The following PI4KA variants were observed in gnomAD, a reference collection of about 807,000 sequenced individuals.
PI4KA encodes the protein PI4-kinase alpha.
PI4KA carries 122 observed loss-of-function variants against 271.4 expected under a neutral mutation model. That is an observed-to-expected ratio of 0.45 (90% CI 0.39 to 0.52). The LOEUF (loss-of-function observed/expected upper bound fraction) is 0.52, where lower values mean the gene tolerates loss of function less well. Among genes scored for constraint, PI4KA ranks in the 20% least tolerant of loss-of-function variants. The pLI, the probability that PI4KA is intolerant of heterozygous loss-of-function variation, is 0.00. For synonymous variants in PI4KA, 1,041 were observed against 1,078.8 expected (o/e 0.96, Z 0.69); for missense variants, 1,969 against 2,769.1 (o/e 0.71, Z 6.48).
intron 19 of PI4KA, among the ~76,000 whole-genome samples, chr22:20,767,013 C>G (rs1932596537): frequency 6.6e-6 from 1 of 152,186 alleles, no homozygotes; most frequent in South Asian, 2.1e-4. Flanking sequence ...CACCCAAAAT[C>G]CCATCCCTGA....
At chr22:20,839,831 C>CA (rs362258) in intron 1 of PI4KA, among the ~76,000 whole-genome samples, 21 of 148,890 alleles carry the variant, frequency 1.4e-4, no homozygotes, top group Non-Finnish European at 2.4e-4. Context: ...GACTCCGTCT[C>CA]AAAAAAAAAA....
At chr22:20,824,501 C>G (rs1601576418) in intron 3 of PI4KA, 87 bp from the exon 4 acceptor site, 2 of 884,074 alleles carry the variant, frequency 2.3e-6, no homozygotes, top group East Asian at 5.2e-5. Flanking sequence ...TGTTCCCTCT[C>G]ACCATGACCT....
At chr22:20,844,986 G>C (rs373725796) in intron 1 of PI4KA, among the ~76,000 whole-genome samples, 3 of 152,188 alleles carry the variant, frequency 2.0e-5, no homozygotes, top group African/African-American at 7.2e-5. Context: ...GGGGGAGTGG[G>C]TCATTATAAA....
chr22:20,768,447 G>A (rs1024830451), intron 19 of PI4KA, among the ~76,000 whole-genome samples: 2 of 151,978 alleles, frequency 1.3e-5, no homozygotes, highest in Admixed American at 6.6e-5. Context: ...AATCCAAAAC[G>A]TATAAATAAT....
At chr22:20,726,644 G>A (rs990262024) in intron 41 of PI4KA, 103 bp from the exon 42 acceptor site, 4 of 1,013,962 alleles carry the variant, frequency 3.9e-6, no homozygotes, top group Non-Finnish European at 5.7e-6. Flanking sequence ...CAGCAGGGCT[G>A]AGAACTGGGG....
At chr22:20,832,779 C>T (rs2147754422) in intron 3 of PI4KA, among the ~76,000 whole-genome samples, 1 of 152,206 alleles carries the variant, frequency 6.6e-6, no homozygotes, top group South Asian at 2.1e-4. Flanking sequence ...ATGGCCATTT[C>T]ATCTTACATC....
chr22:20,799,324 G>A, intron 15 of PI4KA, 48 bp from the exon 16 acceptor site: 1 of 1,464,704 alleles, frequency 6.8e-7, no homozygotes, highest in Non-Finnish European at 9.1e-7. Flanking sequence ...CCTCCAGCAT[G>A]CAGTAGTGAA....
At chr22:20,848,036 G>A (rs377252028) in intron 1 of PI4KA, among the ~76,000 whole-genome samples, 2 of 151,904 alleles carry the variant, frequency 1.3e-5, no homozygotes, top group East Asian at 1.9e-4. Context: ...TCAAGAGTTC[G>A]AGACCAGCCT....
chr22:20,834,047 C>G (rs892576480), intron 3 of PI4KA, among the ~76,000 whole-genome samples: 2 of 152,094 alleles, frequency 1.3e-5, no homozygotes, highest in African/African-American at 4.8e-5. Flanking sequence ...AGCCACCATA[C>G]CAGCCAATTT....
Position 20,821,368 on chromosome 22 carries a change from G to GCA in PI4KA, c.457-758_457-757insTG, listed in dbSNP as rs1460206550. Reference sequence around the variant, plus strand: ...TGAGTAGCTAAGATTACAGGTGCATGCCACCATGCCTGGCTAATTTTTTGT... The same window carrying GCA: ...TGAGTAGCTAAGATTACAGGTGCATGCACCACCATGCCTGGCTAATTTTTTGT... On this transcript the variant is annotated intron_variant, in intron 4 of 54. Transcript: ENST00000255882. Among the ~76,000 whole-genome samples the GCA allele has an allele frequency of 9.9e-5, 15 of 151,632 alleles. No homozygotes were observed. The East Asian group carries it at 1.2e-3, about 12-fold the overall frequency.
At chr22:20,757,994 G>A (rs935862786) in intron 23 of PI4KA, among the ~76,000 whole-genome samples, 1 of 152,156 alleles carries the variant, frequency 6.6e-6, no homozygotes, top group South Asian at 2.1e-4. Flanking sequence ...TCTAGCACAA[G>A]CTTTTCCAAT....
At chr22:20,841,001 G>A (rs1262655109) in intron 1 of PI4KA, among the ~76,000 whole-genome samples, 4 of 152,162 alleles carry the variant, frequency 2.6e-5, no homozygotes, top group Non-Finnish European at 5.9e-5. Context: ...GGTGAGACAG[G>A]AAGTCAACAC....
chr22:20,710,416 C>G (rs1342986119), intron 52 of PI4KA: 1 of 553,986 alleles, frequency 1.8e-6, no homozygotes, highest in African/African-American at 1.9e-5. Context: ...GTGGCAGGTG[C>G]TCAGGCTTTG....
At chr22:20,750,901 C>T (rs549789870) in intron 27 of PI4KA, among the ~76,000 whole-genome samples, 1 of 152,196 alleles carries the variant, frequency 6.6e-6, no homozygotes, top group Non-Finnish European at 1.5e-5. Context: ...AGGCATGATC[C>T]CCTATTACCA....
At chr22:20,792,070 C>T (rs986411014) in intron 19 of PI4KA, among the ~76,000 whole-genome samples, 1 of 152,014 alleles carries the variant, frequency 6.6e-6, no homozygotes, top group African/African-American at 2.4e-5. Flanking sequence ...CACTGCATTC[C>T]AGCCTGGGTG....
chr22:20,848,384 G>T (rs933126291), intron 1 of PI4KA, among the ~76,000 whole-genome samples: 1 of 151,894 alleles, frequency 6.6e-6, no homozygotes, highest in Non-Finnish European at 1.5e-5. Flanking sequence ...TAATTCAAGG[G>T]ACCCAGAATA....
intron 22 of PI4KA, among the ~76,000 whole-genome samples, chr22:20,763,030 G>C (rs1480466820): frequency 2.4e-5 from 2 of 81,728 alleles, no homozygotes; most frequent in Non-Finnish European, 4.6e-5. Context: ...GGGGGGGGGG[G>C]GTTAGAGACA....
At chr22:20,758,455 T>C (rs1931572662) in intron 23 of PI4KA, among the ~76,000 whole-genome samples, 1 of 125,650 alleles carries the variant, frequency 8.0e-6, no homozygotes, top group Non-Finnish European at 1.6e-5. Flanking sequence ...TTTTTCTTTC[T>C]TTTCTTTTTT....
chr22:20,721,683 G>A, intron 42 of PI4KA: 1 of 410,742 alleles, frequency 2.4e-6, no homozygotes, highest in East Asian at 3.7e-5. Flanking sequence ...CTTCCCATGG[G>A]TTTAAGAAGC....
Sources: gnomAD v4.1 joint callset for allele counts (sites outside exome capture counted in the v4.1 genomes callset) on GRCh38, gnomAD v4.1.1 for gene constraint, MANE v1.5 for transcripts, NCBI Gene and HGNC (gene_info 2026-07-23, HGNC 2026-07-21) for gene names.